Variants in CDK14 observed in about 807,000 individuals in gnomAD.
CDK14 encodes cyclin dependent kinase 14.
In CDK14, 34 loss-of-function variants were observed where a neutral mutation model predicts 60.7. The ratio of observed to expected loss-of-function variants is 0.56; its 90% CI spans 0.43 to 0.75. The LOEUF (loss-of-function observed/expected upper bound fraction) is 0.75. Among genes scored for constraint, CDK14 ranks in the 30% least tolerant of loss-of-function variants. The probability of loss-of-function intolerance (pLI) is 0.00; values close to 1 mark genes in which losing one functional copy is unlikely to be tolerated. For synonymous variants in CDK14, 197 were observed against 203.7 expected, an observed-to-expected ratio of 0.97 and a Z score of 0.28; for missense variants, 482 against 564.1, an observed-to-expected ratio of 0.85 and a Z score of 1.47.
At chr7:90,649,372 T>TCCTTC (rs1800565571) in intron 2 of CDK14, among the ~76,000 whole-genome samples, 1 of 48,968 alleles carries the variant, frequency 2.0e-5, no homozygotes, top group South Asian at 8.1e-4. Flanking sequence ...TTCCTTTCCT[T>TCCTTC]CCTTCCTTCC....
intron 7 of CDK14, among the ~76,000 whole-genome samples, chr7:90,912,684 T>G (rs951087106): frequency 3.4e-4 from 52 of 152,196 alleles, no homozygotes; most frequent in African/African-American, 1.0e-3. Flanking sequence ...CTCAGTTCAC[T>G]GCAATCTCCA....
chr7:90,849,694 T>C (rs1005759387), intron 5 of CDK14, among the ~76,000 whole-genome samples: 1 of 152,010 alleles, frequency 6.6e-6, no homozygotes, highest in South Asian at 2.1e-4. Context: ...TTCTGATTTT[T>C]ATAGAAAAGC....
At chr7:90,879,108 G>A (rs547422065) in intron 6 of CDK14, among the ~76,000 whole-genome samples, 47 of 152,304 alleles carry the variant, frequency 3.1e-4, no homozygotes, top group African/African-American at 9.4e-4. Flanking sequence ...TTGCAGCAAT[G>A]ACTTGGACTA....
chr7:91,085,318 C>G (rs1225499716), intron 12 of CDK14, among the ~76,000 whole-genome samples: 1 of 152,128 alleles, frequency 6.6e-6, no homozygotes, highest in East Asian at 1.9e-4. Context: ...GCTGAGGTCT[C>G]ACTTCCTTGC....
At chr7:91,102,740 A>G (rs1799179166) in intron 12 of CDK14, among the ~76,000 whole-genome samples, 1 of 152,134 alleles carries the variant, frequency 6.6e-6, no homozygotes, top group African/African-American at 2.4e-5. Context: ...GAAAAAAAAA[A>G]AAGAAAATGA....
chr7:91,030,165 G>T (rs780193604), intron 10 of CDK14, among the ~76,000 whole-genome samples: 1 of 152,130 alleles, frequency 6.6e-6, no homozygotes, highest in Non-Finnish European at 1.5e-5. Flanking sequence ...TATATATACA[G>T]TTGCAAAAAC....
chr7:90,989,694 G>A (rs571311982), intron 10 of CDK14, among the ~76,000 whole-genome samples: 3 of 152,104 alleles, frequency 2.0e-5, no homozygotes, highest in Non-Finnish European at 4.4e-5. Context: ...TAAATGTTGT[G>A]CTCTAATCCA....
intron 4 of CDK14, among the ~76,000 whole-genome samples, chr7:90,789,094 AT>A (rs2097415077): frequency 6.6e-6 from 1 of 152,138 alleles, no homozygotes. Flanking sequence ...TTACGGACAT[AT>A]TTTTACAGGA....
At chr7:91,167,730 A>G (rs375998382) in intron 14 of CDK14, among the ~76,000 whole-genome samples, 1 of 152,192 alleles carries the variant, frequency 6.6e-6, no homozygotes, top group East Asian at 1.9e-4. Context: ...GACTGCCTAC[A>G]TGTGAATGCT....
chr7:91,004,909 A>G (rs1795938675), intron 10 of CDK14, among the ~76,000 whole-genome samples: 1 of 152,202 alleles, frequency 6.6e-6, no homozygotes, highest in African/African-American at 2.4e-5. Context: ...TATAAAAGAA[A>G]AATCTGAAGA....
At chr7:90,790,101 C>CT (rs35790878) in intron 4 of CDK14, among the ~76,000 whole-genome samples, 64,522 of 143,126 alleles carry the variant, frequency 0.45, 15,132 homozygotes, top group East Asian at 0.81. Context: ...GAATTTTTTC[C>CT]TTTTTTTTTT....
chr7:91,061,198 C>T (rs1299654274), intron 11 of CDK14, among the ~76,000 whole-genome samples: 1 of 152,218 alleles, frequency 6.6e-6, no homozygotes, highest in Non-Finnish European at 1.5e-5. Context: ...GAATCGGCTA[C>T]TGAGGCTTGT....
At chr7:90,668,178 A>G (rs963609503) in intron 2 of CDK14, among the ~76,000 whole-genome samples, 1 of 152,256 alleles carries the variant, frequency 6.6e-6, no homozygotes, top group Admixed American at 6.5e-5. Context: ...ATCCTTACCA[A>G]TACCTGTTGT....
intron 4 of CDK14, among the ~76,000 whole-genome samples, chr7:90,767,357 T>A (rs1804607289): frequency 2.0e-5 from 3 of 152,194 alleles, no homozygotes; most frequent in Admixed American, 2.0e-4. Flanking sequence ...ATTTCTTGCA[T>A]AATTCTCTTA....
At chr7:91,203,785 G>C (rs1482002178) in intron 14 of CDK14, among the ~76,000 whole-genome samples, 1 of 152,152 alleles carries the variant, frequency 6.6e-6, no homozygotes, top group Admixed American at 6.5e-5. Flanking sequence ...GTGGGGTTGA[G>C]GATTGGCTGA....
chr7:90,624,388 T>C (rs768504582), intron 2 of CDK14, among the ~76,000 whole-genome samples: 2 of 152,248 alleles, frequency 1.3e-5, no homozygotes, highest in Non-Finnish European at 2.9e-5. Flanking sequence ...ACTTTCTAAT[T>C]TTCTATTCAG....
At chr7:91,093,395 C>A (rs1467339024) in intron 12 of CDK14, among the ~76,000 whole-genome samples, 1 of 152,098 alleles carries the variant, frequency 6.6e-6, no homozygotes, top group Non-Finnish European at 1.5e-5. Flanking sequence ...ATGAGGAAGT[C>A]ATTGGACATT....
intron 2 of CDK14, among the ~76,000 whole-genome samples, chr7:90,674,028 CTA>C (rs772052617): frequency 7.2e-5 from 11 of 152,188 alleles, no homozygotes; most frequent in Admixed American, 2.0e-4. Context: ...TATGGAAACA[CTA>C]TTTGACGTTT....
chr7:90,742,104 A>ATTAG (rs1269324109), intron 3 of CDK14, among the ~76,000 whole-genome samples: 2 of 151,996 alleles, frequency 1.3e-5, no homozygotes, highest in East Asian at 3.8e-4. Flanking sequence ...CTTTTGTTTA[A>ATTAG]TTAGTTAGTT....
Sources: gnomAD v4.1 joint callset for allele counts (sites outside exome capture counted in the v4.1 genomes callset) on GRCh38, gnomAD v4.1.1 for gene constraint, MANE v1.5 for transcripts, NCBI Gene and HGNC (gene_info 2026-07-23, HGNC 2026-07-21) for gene names.